Variants in FBXW11 observed in about 807,000 individuals in gnomAD.
FBXW11 encodes F-box/WD repeat-containing protein 11.
A neutral mutation model predicts 77.6 loss-of-function variants in FBXW11; 19 were observed. The observed-to-expected ratio is 0.24, with a 90% CI of 0.17 to 0.36. The LOEUF is 0.36. Ranked by LOEUF, FBXW11 falls within the 10% of genes least tolerant of loss-of-function variation. The pLI, the probability that FBXW11 is intolerant of heterozygous loss-of-function variation, is 1.00. For missense variants in FBXW11, 334 were observed against 704.2 expected (o/e 0.47, Z 5.95); for synonymous variants, 235 against 249.4 (o/e 0.94, Z 0.54).
intron 4 of FBXW11, among the ~76,000 whole-genome samples, chr5:171,900,591 G>A (rs1325127274): frequency 3.3e-5 from 5 of 151,988 alleles, no homozygotes; most frequent in African/African-American, 9.7e-5. Context: ...ATCCATACCC[G>A]GTGTGAATCC....
intron 7 of FBXW11, among the ~76,000 whole-genome samples, chr5:171,886,835 G>A (rs1367692920): frequency 3.3e-5 from 5 of 151,934 alleles, no homozygotes; most frequent in East Asian, 3.9e-4. Flanking sequence ...CCAGCATAGC[G>A]AAACCTCATC....
At chr5:171,935,079 G>A (rs1238445557) in intron 2 of FBXW11, among the ~76,000 whole-genome samples, 8 of 152,070 alleles carry the variant, frequency 5.3e-5, no homozygotes, top group Non-Finnish European at 7.4e-5. Flanking sequence ...TCAGACTCCC[G>A]AGCAGCTGGG....
chr5:171,958,661 A>C (rs1314509696), intron 1 of FBXW11, among the ~76,000 whole-genome samples: 6 of 152,252 alleles, frequency 3.9e-5, no homozygotes, highest in African/African-American at 1.4e-4. Context: ...AAATGAACAT[A>C]TGTACTACGG....
chr5:171,907,273 T>C (rs1760588383), intron 4 of FBXW11, among the ~76,000 whole-genome samples: 1 of 152,240 alleles, frequency 6.6e-6, no homozygotes, highest in Non-Finnish European at 1.5e-5. Context: ...GCTATAATTA[T>C]AATTTTTACA....
chr5:171,874,375 G>C (rs77151814), intron 9 of FBXW11, among the ~76,000 whole-genome samples: 1,788 of 152,314 alleles, frequency 0.012, 11 homozygotes, highest in Middle Eastern at 0.02. Flanking sequence ...GTGTTGGCAA[G>C]GATATGGAGA....
In FBXW11 at chr5:171,904,309, A is replaced by G. The variant is rs11959561; in HGVS notation, c.437-4209T>C. 0.048 allele frequency among the ~76,000 whole-genome samples: 7,314 copies of G among 152,078 alleles called. 529 individuals are homozygous for G. Among genetic ancestry groups the G allele is most frequent in the African/African-American group, 0.17 (6,902 of 41,426 alleles). On this transcript the variant is annotated intron_variant, in intron 4 of 13. Coordinates refer to ENST00000517395, the MANE Select transcript of FBXW11 (RefSeq NM_001378974.1). The surrounding 1 kb of genome is among the most constrained non-coding windows in gnomAD (Gnocchi z 4.0). ...GACTCTGTCTTTTTTTAAAAAAAATAAAAAATAAAAAGAATGCATTAGATA... is the reference window on the plus strand; with the variant it reads ...GACTCTGTCTTTTTTTAAAAAAAATGAAAAATAAAAAGAATGCATTAGATA...
At chr5:171,937,819 C>A (rs577554729) in intron 2 of FBXW11, among the ~76,000 whole-genome samples, 44 of 147,042 alleles carry the variant, frequency 3.0e-4, no homozygotes, top group African/African-American at 1.1e-3. Context: ...GAGAATGAGA[C>A]CTTGGCTCAA....
intron 1 of FBXW11, among the ~76,000 whole-genome samples, chr5:171,967,027 A>T (rs1764227017): frequency 6.6e-6 from 1 of 152,196 alleles, no homozygotes; most frequent in Non-Finnish European, 1.5e-5. Context: ...TTCTTCCCTT[A>T]TCTATAATTG....
intron 2 of FBXW11, among the ~76,000 whole-genome samples, chr5:171,935,338 A>G (rs945179074): frequency 3.9e-5 from 6 of 152,166 alleles, no homozygotes; most frequent in Non-Finnish European, 8.8e-5. Flanking sequence ...ACTATACTAA[A>G]AATCACTGAA....
chr5:171,920,378 G>A (rs1761522760), intron 2 of FBXW11, among the ~76,000 whole-genome samples: 1 of 149,674 alleles, frequency 6.7e-6, no homozygotes, highest in South Asian at 2.1e-4. Flanking sequence ...GTTCGGTGAA[G>A]GAGGATGGGA....
chr5:171,868,602 G>A lies in FBXW11; in HGVS notation c.*25+8C>T, dbSNP rs773267748. Reference sequence around the variant, plus strand: ...AGCAAAATTGGAAGGGGAGAGGATAGTACTCACCTGAAACGGGTGAAAGTG... The same window carrying A: ...AGCAAAATTGGAAGGGGAGAGGATAATACTCACCTGAAACGGGTGAAAGTG... On this transcript the variant is annotated splice_region_variant and intron_variant, in intron 13 of 13. Coordinates refer to ENST00000517395, the MANE Select transcript of FBXW11 (RefSeq NM_001378974.1). 1 of 1,599,402 alleles carries A rather than the reference G, an allele frequency of 6.3e-7. No individual in the cohort carries two copies. The highest frequency in any genetic ancestry group is 8.5e-7 in the Non-Finnish European group (1 of 1,172,520).
At chr5:172,006,407 G>C (rs778842212) in intron 1 of FBXW11, 51 bp downstream of exon 1, 3 of 1,493,112 alleles carry the variant, frequency 2.0e-6, no homozygotes, top group Non-Finnish European at 2.7e-6. Context: ...GGGCAGGCCC[G>C]CCCGGGGCCG....
rs544141532 is a variant in FBXW11, at chr5:171,966,846, C to T, written c.46-9148G>A. 2.0e-5 allele frequency among the ~76,000 whole-genome samples: 3 copies of T among 152,222 alleles called. No homozygotes were observed. In the East Asian group the frequency reaches 5.8e-4, roughly 29 times the overall value. On this transcript the variant is annotated intron_variant, in intron 1 of 13. Transcript: ENST00000517395. ...AAGAAGGATAAATTGGGAGGGGGTA[C>T]AAAGTGAGTACCCTATGGCTATACC...
chr5:171,906,906 T>G (rs1386582449), intron 4 of FBXW11, among the ~76,000 whole-genome samples: 1 of 152,232 alleles, frequency 6.6e-6, no homozygotes, highest in Non-Finnish European at 1.5e-5. Flanking sequence ...CATAATGGCT[T>G]ATCATCCTTT....
chr5:171,932,436 T>C (rs962059826), intron 2 of FBXW11, among the ~76,000 whole-genome samples: 5 of 152,178 alleles, frequency 3.3e-5, no homozygotes, highest in African/African-American at 9.7e-5. Flanking sequence ...CTCTCATTCA[T>C]TGCTGGTAGA....
intron 1 of FBXW11, among the ~76,000 whole-genome samples, chr5:171,995,159 T>C (rs1008763644): frequency 5.3e-5 from 8 of 152,206 alleles, no homozygotes; most frequent in Admixed American, 1.3e-4. Context: ...TTTTCAAGAA[T>C]GTTGCCTGAC....
chr5:171,928,585 T>C (rs1255056539), intron 2 of FBXW11, among the ~76,000 whole-genome samples: 1 of 152,244 alleles, frequency 6.6e-6, no homozygotes, highest in East Asian at 1.9e-4. Flanking sequence ...TGGAAGATTG[T>C]AATCGGTGCA....
intron 7 of FBXW11, among the ~76,000 whole-genome samples, chr5:171,883,665 T>A (rs544800640): frequency 6.6e-6 from 1 of 152,314 alleles, no homozygotes; most frequent in South Asian, 2.1e-4. Context: ...ATTTTTTTAT[T>A]ATGGCCATTC....
At chr5:171,971,387 C>G (rs923324371) in intron 1 of FBXW11, among the ~76,000 whole-genome samples, 9 of 152,220 alleles carry the variant, frequency 5.9e-5, no homozygotes, top group African/African-American at 1.7e-4. Context: ...CTATTACAAG[C>G]AGAGTCTCAT....
Sources: gnomAD v4.1 joint callset for allele counts (sites outside exome capture counted in the v4.1 genomes callset) on GRCh38, gnomAD v4.1.1 for gene constraint, Gnocchi (gnomAD v3.1) non-coding constraint, MANE v1.5 for transcripts, NCBI Gene and HGNC (gene_info 2026-07-23, HGNC 2026-07-21) for gene names.